Variants in FOXP2 observed in about 807,000 individuals in gnomAD.
FOXP2 encodes forkhead box P2, also known as forkhead box protein P2.
In FOXP2, 12 loss-of-function variants were observed where a neutral mutation model predicts 115.8. The ratio of observed to expected loss-of-function variants is 0.10; its 90% confidence interval spans 0.07 to 0.17. The LOEUF (loss-of-function observed/expected upper bound fraction) is 0.17, where lower values mean the gene tolerates loss of function less well. Ranked by LOEUF, FOXP2 falls within the 10% of genes least tolerant of loss-of-function variation. The pLI, the probability that FOXP2 is intolerant of heterozygous loss-of-function variation, is 1.00. For missense variants in FOXP2, 629 were observed against 843.5 expected (o/e 0.75, Z 3.15); for synonymous variants, 328 against 297.7 (o/e 1.10, Z -1.05).
chr7:114,524,706 C>G (rs150481848), intron 2 of FOXP2, among the ~76,000 whole-genome samples: 38 of 152,216 alleles, frequency 2.5e-4, no homozygotes, highest in Middle Eastern at 3.4e-3. Flanking sequence ...TTTTACTTTA[C>G]TTTGTTTTTA....
chr7:114,594,911 C>A (rs1802617152), intron 3 of FOXP2, among the ~76,000 whole-genome samples: 1 of 151,848 alleles, frequency 6.6e-6, no homozygotes, highest in African/African-American at 2.4e-5. Context: ...GGGTTGTAAA[C>A]TGCTTGTGGA....
chr7:114,212,215 C>T (rs1219419106), intron 1 of FOXP2, among the ~76,000 whole-genome samples: 2 of 151,058 alleles, frequency 1.3e-5, no homozygotes, highest in African/African-American at 2.4e-5. Context: ...TATTGTTTTC[C>T]TATCTTAAGT....
intron 2 of FOXP2, among the ~76,000 whole-genome samples, chr7:114,292,891 T>G (rs192698973): frequency 6.3e-4 from 96 of 152,346 alleles, no homozygotes; most frequent in Admixed American, 6.1e-3. Context: ...CAGCCAGTAT[T>G]CATTTTGACA....
At chr7:114,539,465 A>T (rs1474043099) in intron 3 of FOXP2, among the ~76,000 whole-genome samples, 2 of 151,964 alleles carry the variant, frequency 1.3e-5, no homozygotes, top group Admixed American at 1.3e-4. Flanking sequence ...GATGCCAGAA[A>T]TTTAGAAATA....
At chr7:114,633,906 TGGTTGATTA>T in intron 6 of FOXP2, among the ~76,000 whole-genome samples, 1 of 152,324 alleles carries the variant, frequency 6.6e-6, no homozygotes, top group South Asian at 2.1e-4. Flanking sequence ...GGTTTTTGAT[TGGTTGATTA>T]GCCTTGAAAA....
At chr7:114,125,857 A>G (rs533647165) in intron 1 of FOXP2, among the ~76,000 whole-genome samples, 1 of 152,328 alleles carries the variant, frequency 6.6e-6, no homozygotes, top group East Asian at 1.9e-4. Flanking sequence ...TTCTTACTGC[A>G]TAGAGCACCC....
At chr7:114,454,143 A>G (rs1165137143) in intron 2 of FOXP2, among the ~76,000 whole-genome samples, 2 of 150,862 alleles carry the variant, frequency 1.3e-5, no homozygotes, top group African/African-American at 4.9e-5. Context: ...AATATCCAGA[A>G]TCTACAATGA....
chr7:114,614,279 A>C (rs1317725320), intron 3 of FOXP2, among the ~76,000 whole-genome samples: 2 of 151,540 alleles, frequency 1.3e-5, no homozygotes, highest in African/African-American at 2.4e-5. Context: ...AAATGTCTTT[A>C]ATTTGCTGTC....
intron 2 of FOXP2, among the ~76,000 whole-genome samples, chr7:114,315,963 T>G (rs1031781822): frequency 6.6e-6 from 1 of 152,196 alleles, no homozygotes; most frequent in South Asian, 2.1e-4. Context: ...CTTTTTACAC[T>G]TAGGAACACT....
intron 12 of FOXP2, 41 bp downstream of exon 12, chr7:114,659,473 A>G: frequency 6.3e-7 from 1 of 1,593,428 alleles, no homozygotes; most frequent in Non-Finnish European, 8.6e-7. Flanking sequence ...TTAAATTAAA[A>G]TTCATTAATG....
At chr7:114,241,492 T>C (rs903297276) in intron 1 of FOXP2, among the ~76,000 whole-genome samples, 10 of 152,218 alleles carry the variant, frequency 6.6e-5, no homozygotes, top group Middle Eastern at 3.4e-3. Context: ...GAATTAATTC[T>C]ATTGGACAGA....
intron 1 of FOXP2, among the ~76,000 whole-genome samples, chr7:114,238,619 A>G (rs1002644363): frequency 1.3e-5 from 2 of 152,038 alleles, no homozygotes; most frequent in Non-Finnish European, 2.9e-5. Context: ...TAAAAATACA[A>G]AAGTTAGCTG....
intron 16 of FOXP2, among the ~76,000 whole-genome samples, chr7:114,682,987 C>T (rs1210851866): frequency 6.6e-6 from 1 of 152,022 alleles, no homozygotes; most frequent in Non-Finnish European, 1.5e-5. Context: ...ATATTGATGG[C>T]AAATAGATCT....
At chr7:114,301,893 C>A (rs1353357801) in intron 2 of FOXP2, among the ~76,000 whole-genome samples, 1 of 152,044 alleles carries the variant, frequency 6.6e-6, no homozygotes. Context: ...TGGCTTTCTG[C>A]CATACTTTTT....
chr7:114,217,969 G>C (rs1794526571), intron 1 of FOXP2, among the ~76,000 whole-genome samples: 1 of 152,102 alleles, frequency 6.6e-6, no homozygotes, highest in African/African-American at 2.4e-5. Flanking sequence ...TCTCAGCTTA[G>C]GCATGGATGG....
At chr7:114,404,048 A>T (rs1417093089) in intron 2 of FOXP2, among the ~76,000 whole-genome samples, 1 of 152,158 alleles carries the variant, frequency 6.6e-6, no homozygotes, top group African/African-American at 2.4e-5. Context: ...TACTATAGTT[A>T]GCTTTATATA....
chr7:114,447,651 C>T (rs547782424), intron 2 of FOXP2, among the ~76,000 whole-genome samples: 2 of 152,272 alleles, frequency 1.3e-5, no homozygotes, highest in South Asian at 2.1e-4. Context: ...AACCCTCACT[C>T]TTCATACGTG....
intron 1 of FOXP2, among the ~76,000 whole-genome samples, chr7:114,421,269 G>A (rs544905552): frequency 6.6e-6 from 1 of 151,354 alleles, no homozygotes; most frequent in African/African-American, 2.4e-5. Context: ...TTTTTATCCA[G>A]GAGCAAAATA....
chr7:114,218,052 A>C (rs1794528753), intron 1 of FOXP2, among the ~76,000 whole-genome samples: 1 of 152,160 alleles, frequency 6.6e-6, no homozygotes, highest in South Asian at 2.1e-4. Flanking sequence ...TACCTTTACT[A>C]CATTACAGTG....
Sources: gnomAD v4.1 joint callset for allele counts (sites outside exome capture counted in the v4.1 genomes callset) on GRCh38, gnomAD v4.1.1 for gene constraint, MANE v1.5 for transcripts, NCBI Gene and HGNC (gene_info 2026-07-23, HGNC 2026-07-21) for gene names.